The following LOXL2 variants were observed in gnomAD, a reference collection of about 807,000 sequenced individuals.
LOXL2 encodes lysyl oxidase like 2.
In LOXL2, 70 loss-of-function variants were observed where a neutral mutation model predicts 93.0. That is an observed-to-expected ratio of 0.75 (90% confidence interval 0.62 to 0.92). The LOEUF (loss-of-function observed/expected upper bound fraction) is 0.92. Ranked by LOEUF, LOXL2 falls within the 40% of genes least tolerant of loss-of-function variation. The pLI is 0.00. For synonymous variants in LOXL2, 438 were observed against 413.2 expected, an observed-to-expected ratio of 1.06 and a Z score of -0.73; for missense variants, 973 against 1,054.9, an observed-to-expected ratio of 0.92 and a Z score of 1.08.
intron 3 of LOXL2, among the ~76,000 whole-genome samples, chr8:23,343,466 G>A (rs1803920231): frequency 6.6e-6 from 1 of 152,212 alleles, no homozygotes; most frequent in South Asian, 2.1e-4. Flanking sequence ...GCTGGTCCAA[G>A]CCGGGCTGGA....
chr8:23,344,175 G>A (rs931900809), intron 3 of LOXL2, among the ~76,000 whole-genome samples: 3 of 152,248 alleles, frequency 2.0e-5, no homozygotes, highest in Admixed American at 1.3e-4. Flanking sequence ...AAGGGAGCTT[G>A]CTCTCGTTCC....
intron 1 of LOXL2, among the ~76,000 whole-genome samples, chr8:23,403,540 G>A (rs920241442): frequency 2.6e-5 from 4 of 151,970 alleles, no homozygotes; most frequent in Non-Finnish European, 5.9e-5. Context: ...ACTGTCTCCC[G>A]ACCCGTCCCC....
intron 7 of LOXL2, 110 bp downstream of exon 7, chr8:23,322,020 A>C: frequency 8.5e-7 from 1 of 1,182,266 alleles, no homozygotes; most frequent in Non-Finnish European, 1.2e-6. Flanking sequence ...CAATGTCTGC[A>C]GCAGTACTAG....
chr8:23,389,625 G>A (rs556049117), intron 1 of LOXL2, among the ~76,000 whole-genome samples: 1 of 152,236 alleles, frequency 6.6e-6, no homozygotes, highest in Admixed American at 6.5e-5. Context: ...CAGATAAAGG[G>A]GAAAACACAT....
chr8:23,329,877 A>G (rs954023710), intron 5 of LOXL2, among the ~76,000 whole-genome samples: 1 of 152,134 alleles, frequency 6.6e-6, no homozygotes, highest in Non-Finnish European at 1.5e-5. Flanking sequence ...CTCTCTACCA[A>G]TTGTACCTTG....
At chr8:23,313,934 T>A (rs1803353038) in intron 9 of LOXL2, among the ~76,000 whole-genome samples, 1 of 102,996 alleles carries the variant, frequency 9.7e-6, no homozygotes, top group Admixed American at 1.2e-4. Flanking sequence ...TACAATGAAC[T>A]CAAACAAATT....
chr8:23,354,375 C>A (rs1243557957), intron 3 of LOXL2, among the ~76,000 whole-genome samples: 1 of 152,178 alleles, frequency 6.6e-6, no homozygotes, highest in Non-Finnish European at 1.5e-5. Flanking sequence ...TCACAAGACA[C>A]AGAGAAATCA....
At chr8:23,403,596 T>A (rs2117247113) in intron 1 of LOXL2, among the ~76,000 whole-genome samples, 1 of 152,106 alleles carries the variant, frequency 6.6e-6, no homozygotes, top group African/African-American at 2.4e-5. Flanking sequence ...ACGCTGTCCC[T>A]GGAGCCACGC....
chr8:23,397,807 T>C (rs1447706272), intron 1 of LOXL2, among the ~76,000 whole-genome samples: 1 of 144,882 alleles, frequency 6.9e-6, no homozygotes, highest in Admixed American at 6.9e-5. Flanking sequence ...GAAAGAAATA[T>C]GCTTTTCCGT....
At chr8:23,375,783 G>A (rs186384744) in intron 1 of LOXL2, among the ~76,000 whole-genome samples, 1 of 152,280 alleles carries the variant, frequency 6.6e-6, no homozygotes, top group African/African-American at 2.4e-5. Context: ...TTTGCACACT[G>A]ATTTTGTATC....
intron 8 of LOXL2, among the ~76,000 whole-genome samples, chr8:23,317,760 C>T (rs906741156): frequency 4.6e-5 from 7 of 152,172 alleles, no homozygotes; most frequent in Admixed American, 2.0e-4. Flanking sequence ...AGGATTTACT[C>T]TCACACTTCA....
At chr8:23,333,957 T>C (rs1042199697) in intron 4 of LOXL2, among the ~76,000 whole-genome samples, 2 of 152,146 alleles carry the variant, frequency 1.3e-5, no homozygotes, top group South Asian at 4.1e-4. Flanking sequence ...TTAAAACAGG[T>C]GAGATCCCTG....
At chr8:23,383,138 G>A (rs1040678843) in intron 1 of LOXL2, among the ~76,000 whole-genome samples, 6 of 152,090 alleles carry the variant, frequency 3.9e-5, no homozygotes, top group Non-Finnish European at 5.9e-5. Flanking sequence ...GTCTTCCATC[G>A]TGTGGGCCCT....
chr8:23,348,186 C>T (rs756647930), intron 3 of LOXL2, among the ~76,000 whole-genome samples: 79 of 140,328 alleles, frequency 5.6e-4, no homozygotes, highest in Non-Finnish European at 9.8e-4. Context: ...TGTTCTCACG[C>T]GTAGGTGGGA....
intron 1 of LOXL2, among the ~76,000 whole-genome samples, chr8:23,396,082 G>A (rs1800086408): frequency 6.6e-6 from 1 of 152,170 alleles, no homozygotes; most frequent in African/African-American, 2.4e-5. Flanking sequence ...CCAGCACTTT[G>A]GGAGGCTGCG....
At position 23,328,633 on chromosome 8, in the gene LOXL2, G is replaced by A. The variant is rs1053534794; in HGVS notation, c.967-68C>T. 2.9e-5 allele frequency: 43 copies of A among 1,484,574 alleles called. 1 individual carries two copies. Among genetic ancestry groups the A allele is most frequent in the Middle Eastern group, 1.7e-4 (1 of 5,808 alleles). The allele number at this position is 1,484,574 out of a possible 1,614,324, so 92.0% of individuals were successfully genotyped here. On this transcript the variant is annotated intron_variant, in intron 5 of 13. Transcript: ENST00000389131. ...CGTTCAGCGGGTGACCACTGTCCCC[G>A]CCCCCTCCCTTCCCTGCCACCCTGT... is the stretch of plus-strand genomic sequence containing the variant.
intron 10 of LOXL2, among the ~76,000 whole-genome samples, chr8:23,307,945 T>G (rs1803255568): frequency 2.3e-4 from 1 of 4,304 alleles, no homozygotes; most frequent in African/African-American, 3.5e-4. Flanking sequence ...GGTCATCAGC[T>G]GCGATATGAA....
chr8:23,364,392 T>A (rs1397077591), intron 2 of LOXL2: 1 of 152,228 alleles, frequency 6.6e-6, no homozygotes, highest in Admixed American at 6.5e-5. Flanking sequence ...CCAAATTTTA[T>A]GTTACTCTTT....
intron 1 of LOXL2, among the ~76,000 whole-genome samples, chr8:23,378,749 G>A (rs1306457507): frequency 2.0e-5 from 3 of 152,306 alleles, no homozygotes; most frequent in African/African-American, 7.2e-5. Context: ...TGAAGCTTGT[G>A]CATTCGTCAC....
Sources: gnomAD v4.1 joint callset for allele counts (sites outside exome capture counted in the v4.1 genomes callset) on GRCh38, gnomAD v4.1.1 for gene constraint, MANE v1.5 for transcripts, NCBI Gene and HGNC (gene_info 2026-07-23, HGNC 2026-07-21) for gene names.